The following RABGAP1L variants were observed in gnomAD, a reference collection of about 807,000 sequenced individuals.
The protein encoded by RABGAP1L is rab GTPase-activating protein 1-like.
RABGAP1L carries 63 observed loss-of-function variants against 137.7 expected under a neutral mutation model. The observed-to-expected ratio is 0.46, with a 90% CI of 0.37 to 0.56. RABGAP1L has a LOEUF of 0.56. Ranked by LOEUF, RABGAP1L falls within the 20% of genes least tolerant of loss-of-function variation. RABGAP1L has a pLI of 0.00. For synonymous variants in RABGAP1L, 431 were observed against 433.7 expected (o/e 0.99, Z 0.08); for missense variants, 1,095 against 1,244.0 (o/e 0.88, Z 1.80).
At chr1:174,500,656 A>G (rs4652500) in intron 13 of RABGAP1L, among the ~76,000 whole-genome samples, 58,987 of 152,102 alleles carry the variant, frequency 0.39, 14,375 homozygotes, top group African/African-American at 0.69. Context: ...TAGGAACCGT[A>G]GTTTATTAAG....
At chr1:174,378,565 T>C (rs1685792396) in intron 12 of RABGAP1L, among the ~76,000 whole-genome samples, 1 of 152,144 alleles carries the variant, frequency 6.6e-6, no homozygotes, top group South Asian at 2.1e-4. Flanking sequence ...CATGTGTTTT[T>C]TGGCTGCATA....
chr1:174,416,741 A>G (rs1248670052), intron 13 of RABGAP1L, among the ~76,000 whole-genome samples: 1 of 152,112 alleles, frequency 6.6e-6, no homozygotes, highest in Admixed American at 6.6e-5. Flanking sequence ...TTACTAGTTT[A>G]TTTGGCTTAA....
chr1:174,568,281 C>A (rs1200647144), intron 13 of RABGAP1L, among the ~76,000 whole-genome samples: 1 of 152,102 alleles, frequency 6.6e-6, no homozygotes, highest in Non-Finnish European at 1.5e-5. Flanking sequence ...GAGGGTCTGC[C>A]CCCCATGACC....
At position 174,448,695 on chromosome 1, in the gene RABGAP1L, C is replaced by G; in HGVS notation, c.1710+54550C>G. 1 of 1,613,424 alleles carries G rather than the reference C, an allele frequency of 6.2e-7. No individual in the cohort carries two copies. Among genetic ancestry groups the G allele is most frequent in the Non-Finnish European group, 8.5e-7 (1 of 1,179,360 alleles). Reference sequence around the variant, plus strand: ...GGTGACATTTTTGAATGGTGTGCCACGTCTTGGCTCACCAGTGCCTATTTT... The same window carrying G: ...GGTGACATTTTTGAATGGTGTGCCAGGTCTTGGCTCACCAGTGCCTATTTT... On this transcript the variant is annotated intron_variant, in intron 13 of 25. Coordinates refer to ENST00000681986, the MANE Select transcript of RABGAP1L (RefSeq NM_001366446.1). The surrounding 1 kb of genome is among the most constrained non-coding windows in gnomAD (Gnocchi z 4.2).
intron 13 of RABGAP1L, among the ~76,000 whole-genome samples, chr1:174,555,390 A>G (rs558907178): frequency 1.3e-5 from 2 of 152,326 alleles, no homozygotes; most frequent in East Asian, 1.9e-4. Context: ...AGCCCTTGCA[A>G]TCATTTATTT....
chr1:174,567,112 A>G (rs188179869), intron 13 of RABGAP1L, among the ~76,000 whole-genome samples: 4 of 152,250 alleles, frequency 2.6e-5, no homozygotes, highest in Non-Finnish European at 4.4e-5. Flanking sequence ...CATTACCACT[A>G]TCTATATCCA....
intron 10 of RABGAP1L, among the ~76,000 whole-genome samples, chr1:174,285,523 T>C (rs1270262743): frequency 6.6e-6 from 1 of 151,746 alleles, no homozygotes; most frequent in Non-Finnish European, 1.5e-5. Context: ...TCTAACCGTT[T>C]TTTTTTTTTT....
intron 12 of RABGAP1L, among the ~76,000 whole-genome samples, chr1:174,377,619 ACCATCAGGGAAATG>A (rs1178810057): frequency 6.6e-6 from 1 of 152,136 alleles, no homozygotes; most frequent in African/African-American, 2.4e-5. Context: ...AATATCATTA[ACCATCAGGGAAATG>A]CCAATCAAAG....
chr1:174,227,199 C>CT (rs71117559), intron 3 of RABGAP1L, among the ~76,000 whole-genome samples: 7,676 of 133,776 alleles, frequency 0.057, 311 homozygotes, highest in Non-Finnish European at 0.091. Context: ...TGACCATTTA[C>CT]TTTTTTTTTT....
intron 13 of RABGAP1L, among the ~76,000 whole-genome samples, chr1:174,543,101 C>CT (rs1558324870): frequency 6.6e-6 from 1 of 152,130 alleles, no homozygotes; most frequent in East Asian, 1.9e-4. Context: ...CTGTAGGTGT[C>CT]TATTAGATCT....
intron 11 of RABGAP1L, among the ~76,000 whole-genome samples, chr1:174,307,114 AG>A (rs1678349471): frequency 6.6e-6 from 1 of 152,180 alleles, no homozygotes; most frequent in African/African-American, 2.4e-5. Flanking sequence ...CTTGGTTTTA[AG>A]GATGAGAAAC....
At chr1:174,177,131 T>A (rs1289863878) in intron 1 of RABGAP1L, among the ~76,000 whole-genome samples, 1 of 152,146 alleles carries the variant, frequency 6.6e-6, no homozygotes, top group East Asian at 1.9e-4. Flanking sequence ...TCCACAGCCT[T>A]GCCAGCATCT....
chr1:174,791,422 T>C (rs1485645967), intron 18 of RABGAP1L, among the ~76,000 whole-genome samples: 1 of 152,128 alleles, frequency 6.6e-6, no homozygotes, highest in Non-Finnish European at 1.5e-5. Context: ...AGGAAGAAGG[T>C]AGAGACAATT....
At chr1:174,451,066 C>T (rs567944381) in intron 13 of RABGAP1L, among the ~76,000 whole-genome samples, 86 of 152,188 alleles carry the variant, frequency 5.7e-4, no homozygotes, top group African/African-American at 1.9e-3. Flanking sequence ...TAATAAAACA[C>T]TTAGGACAAG....
rs6704395 is a variant in RABGAP1L, at chr1:174,520,032, A to C, written c.1711-117343A>C. On this transcript the variant is annotated intron_variant, in intron 13 of 25. Coordinates refer to ENST00000681986, the MANE Select transcript of RABGAP1L (RefSeq NM_001366446.1). ...ACAGCATCAGGCCTGGCACCAGCGA[A>C]GTATGAACACAATGCCAGCACTGCA... Among the ~76,000 whole-genome samples, 1,445 of 152,344 alleles carry C rather than the reference A, an allele frequency of 9.5e-3. 24 individuals are homozygous for C. Among genetic ancestry groups the C allele is most frequent in the African/African-American group, 0.033 (1,387 of 41,566 alleles).
chr1:174,226,922 C>T (rs1670229261), intron 3 of RABGAP1L, among the ~76,000 whole-genome samples: 2 of 152,072 alleles, frequency 1.3e-5, no homozygotes, highest in Non-Finnish European at 2.9e-5. Context: ...AATTCCACTT[C>T]CTACTTGTTT....
At chr1:174,259,328 G>C (rs1228505135) in intron 7 of RABGAP1L, among the ~76,000 whole-genome samples, 1 of 152,058 alleles carries the variant, frequency 6.6e-6, no homozygotes, top group East Asian at 1.9e-4. Flanking sequence ...CTTTCTCAGT[G>C]CCAGGCACTG....
At chr1:174,780,128 C>T (rs1391988446) in intron 18 of RABGAP1L, among the ~76,000 whole-genome samples, 14 of 150,222 alleles carry the variant, frequency 9.3e-5, no homozygotes. Flanking sequence ...ATTAAATAAG[C>T]CCTAATTAAA....
chr1:174,674,084 CT>C (rs970007017), intron 14 of RABGAP1L, among the ~76,000 whole-genome samples: 23 of 117,500 alleles, frequency 2.0e-4, no homozygotes, highest in Non-Finnish European at 3.8e-4. Flanking sequence ...TTTTTTTTTT[CT>C]TTTTTTAAAA....
Sources: gnomAD v4.1 joint callset for allele counts (sites outside exome capture counted in the v4.1 genomes callset) on GRCh38, gnomAD v4.1.1 for gene constraint, Gnocchi (gnomAD v3.1) non-coding constraint, MANE v1.5 for transcripts, NCBI Gene and HGNC (gene_info 2026-07-23, HGNC 2026-07-21) for gene names.